VPS37A: variants seen among roughly 807,000 people sequenced by gnomAD.
The protein encoded by VPS37A is VPS37A subunit of ESCRT-I.
Under a neutral mutation model 49.8 loss-of-function variants are expected in VPS37A, and 30 were observed. That is an observed-to-expected ratio of 0.60 (90% CI 0.45 to 0.82). The LOEUF (loss-of-function observed/expected upper bound fraction) is 0.82. Among genes scored for constraint, VPS37A ranks in the 40% least tolerant of loss-of-function variants. The pLI is 0.00. For missense variants in VPS37A, 593 were observed against 464.4 expected (o/e 1.28, Z -2.55); for synonymous variants, 195 against 160.6 (o/e 1.21, Z -1.62).
chr8:17,300,350 A>T, downstream of VPS37A: 2 of 1,064,558 alleles, frequency 1.9e-6, no homozygotes, highest in Non-Finnish European at 2.6e-6. Flanking sequence ...ACTCAGAGGG[A>T]TGTGAGTTCA....
the VPS37A span, chr8:17,313,448 A>C: frequency 2.8e-5 from 33 of 1,199,304 alleles, no homozygotes; most frequent in Non-Finnish European, 4.0e-5. Flanking sequence ...GTACTCTCTC[A>C]TTTTACATAT....
chr8:17,272,101 T>C (rs1814050935), intron 4 of VPS37A: 1 of 456,336 alleles, frequency 2.2e-6, no homozygotes, highest in African/African-American at 2.0e-5. Context: ...CATGCAGCAG[T>C]ATTGGTAAAC....
chr8:17,247,594 G>T, intron 1 of VPS37A: 1 of 719,200 alleles, frequency 1.4e-6, no homozygotes, highest in Non-Finnish European at 2.5e-6. Flanking sequence ...CTTCTAACTC[G>T]GATTTCCTCA....
At chr8:17,313,798 A>G in the VPS37A span, among the ~76,000 whole-genome samples, 1 of 152,218 alleles carries the variant, frequency 6.6e-6, no homozygotes, top group African/African-American at 2.4e-5. Context: ...TAAGTGTAGC[A>G]CCTACCCACT....
chr8:17,264,456 T>G (rs969617252), intron 1 of VPS37A, among the ~76,000 whole-genome samples: 6 of 152,236 alleles, frequency 3.9e-5, no homozygotes, highest in Admixed American at 1.3e-4. Flanking sequence ...AGTCCTAATA[T>G]TGAGTGTCCA....
chr8:17,274,855 C>T lies in VPS37A; in HGVS notation c.539C>T (p.Ser180Phe). The change falls in exon 5 of 12, where the codon TCT becomes TTT. Residue 180 changes from serine to phenylalanine, a missense_variant. Transcript: ENST00000324849. The part of the protein sequence containing the change: ...ITSLSVADTV[S>F]SSTTSHTTAK... The stretch of plus-strand genomic sequence containing the variant: ...TCTTTATCTGTTGCTGACACTGTTT[C>T]TTCTTCAACAACAAGTCATACCACA... 1.2e-6 allele frequency: 2 copies of T among 1,614,146 alleles called. No individual in the cohort carries two copies. Among genetic ancestry groups the T allele is most frequent in the Non-Finnish European group, 1.7e-6 (2 of 1,180,008 alleles).
chr8:17,286,964 G>A (rs1461757167), intron 11 of VPS37A, among the ~76,000 whole-genome samples: 2 of 152,182 alleles, frequency 1.3e-5, no homozygotes, highest in African/African-American at 4.8e-5. Flanking sequence ...AGTAATGACA[G>A]TATCCATGCC....
intron 2 of VPS37A, among the ~76,000 whole-genome samples, chr8:17,267,054 T>TG (rs1310093815): frequency 2.0e-5 from 3 of 152,218 alleles, no homozygotes; most frequent in Non-Finnish European, 4.4e-5. Flanking sequence ...TACAGGCGTA[T>TG]GTGAGCTTTT....
chr8:17,283,796 T>G (rs1476406387), intron 9 of VPS37A, among the ~76,000 whole-genome samples: 1 of 152,190 alleles, frequency 6.6e-6, no homozygotes, highest in East Asian at 1.9e-4. Context: ...TTAAGATTGT[T>G]TTGGCTATTT....
the VPS37A span, among the ~76,000 whole-genome samples, chr8:17,314,039 C>T: frequency 6.6e-6 from 1 of 152,104 alleles, no homozygotes; most frequent in East Asian, 1.9e-4. Context: ...CCTAGGATCC[C>T]AGTGGTATCT....
intron 11 of VPS37A, among the ~76,000 whole-genome samples, chr8:17,289,595 T>G (rs1175573658): frequency 3.9e-5 from 6 of 152,212 alleles, no homozygotes; most frequent in Non-Finnish European, 8.8e-5. Flanking sequence ...CTGTTTTGGT[T>G]ACTGTAGTCT....
chr8:17,308,802 G>T, the VPS37A span, among the ~76,000 whole-genome samples: 1 of 152,154 alleles, frequency 6.6e-6, no homozygotes, highest in Non-Finnish European at 1.5e-5. Context: ...CCTGGATCTG[G>T]AGTTGGATAT....
intron 1 of VPS37A, among the ~76,000 whole-genome samples, chr8:17,262,886 C>A (rs978809128): frequency 1.3e-5 from 2 of 151,836 alleles, no homozygotes; most frequent in Non-Finnish European, 2.9e-5. Context: ...CATGGTGAAA[C>A]CCCGTCTCTA....
rs745663774 is a variant in VPS37A, at chr8:17,284,654, A to G, written c.1113+38A>G. 5.2e-6 allele frequency: 8 copies of G among 1,548,246 alleles called. No individual in the cohort carries two copies. The East Asian group carries it at 1.0e-4, about 19-fold the overall frequency. On this transcript the variant is annotated intron_variant, in intron 10 of 11. Transcript: ENST00000324849. ...CGTCAGTTGAGGACAAGTATTGGAT[A>G]AAGTTTGGTATTTTTATAGAGGAGG...
At chr8:17,307,023 G>GAC (rs1817498499), downstream of VPS37A, among the ~76,000 whole-genome samples, 1 of 152,186 alleles carries the variant, frequency 6.6e-6, no homozygotes, top group African/African-American at 2.4e-5. Context: ...GGCAGCAAAA[G>GAC]ACAAAATTGA....
the VPS37A span, among the ~76,000 whole-genome samples, chr8:17,329,935 G>A: frequency 6.6e-6 from 1 of 152,154 alleles, no homozygotes; most frequent in African/African-American, 2.4e-5. Context: ...GGGCTGAGAT[G>A]TTTTCAGATG....
chr8:17,303,575 C>G (rs371950364), downstream of VPS37A, among the ~76,000 whole-genome samples: 60 of 151,548 alleles, frequency 4.0e-4, no homozygotes, highest in East Asian at 9.2e-3. Context: ...TGTAGGATGC[C>G]ACCCTGCTCT....
chr8:17,318,451 G>C, the VPS37A span, among the ~76,000 whole-genome samples: 5 of 152,248 alleles, frequency 3.3e-5, no homozygotes, highest in Non-Finnish European at 7.4e-5. Context: ...CGATATGATA[G>C]AACAGTCATC....
chr8:17,281,473 A>AC (rs1394491305), intron 9 of VPS37A, among the ~76,000 whole-genome samples: 1 of 151,966 alleles, frequency 6.6e-6, no homozygotes, highest in Non-Finnish European at 1.5e-5. Flanking sequence ...CTTTATACAA[A>AC]CTCTTAGTAA....
Sources: allele counts gnomAD v4.1 joint callset (sites outside exome capture counted in the v4.1 genomes callset), GRCh38; gene constraint gnomAD v4.1.1; transcripts MANE v1.5; gene names NCBI Gene and HGNC (gene_info 2026-07-23, HGNC 2026-07-21).